The following CARMIL1 variants were observed in gnomAD, a reference collection of about 807,000 sequenced individuals.
CARMIL1 encodes F-actin-uncapping protein LRRC16A.
A neutral mutation model predicts 177.1 loss-of-function variants in CARMIL1; 90 were observed. The observed-to-expected ratio is 0.51, with a 90% CI of 0.43 to 0.61. CARMIL1 has a LOEUF of 0.61. Among genes scored for constraint, CARMIL1 ranks in the 20% least tolerant of loss-of-function variants. The pLI, the probability that CARMIL1 is intolerant of heterozygous loss-of-function variation, is 0.00. For missense variants in CARMIL1, 1,380 were observed against 1,667.0 expected (o/e 0.83, Z 3.00); for synonymous variants, 577 against 606.2 (o/e 0.95, Z 0.71).
rs1813062732 is a variant in CARMIL1 at position 25,580,937 on chromosome 6, C to G, written c.2756C>G (p.Ser919Cys). The change falls in exon 30 of 37, where the codon TCC becomes TGC. Residue 919 changes from serine (S) to cysteine (C), a missense_variant. Coordinates refer to ENST00000329474, the MANE Select transcript of CARMIL1 (RefSeq NM_017640.6). ...DLDTCMMTPK[S>C]KRKSIHSRML... ...TTTCATTTCTAGATGACCCCTAAAT[C>G]CAAAAGGAAGAGTATCCATAGCCGA... is the stretch of plus-strand genomic sequence containing the variant. The G allele has an allele frequency of 6.3e-7, 1 of 1,597,302 alleles. No individual in the cohort carries two copies. The highest frequency in any genetic ancestry group is 1.7e-5 in the Admixed American group (1 of 57,770).
chr6:25,420,796 T>TC (rs1276869167), intron 3 of CARMIL1, among the ~76,000 whole-genome samples: 14 of 152,254 alleles, frequency 9.2e-5, no homozygotes, highest in Non-Finnish European at 1.9e-4. Context: ...CGTTTGTGGA[T>TC]TAATCATAAT....
chr6:25,423,928 G>A (rs1166152657), intron 3 of CARMIL1, among the ~76,000 whole-genome samples: 1 of 152,142 alleles, frequency 6.6e-6, no homozygotes, highest in Non-Finnish European at 1.5e-5. Flanking sequence ...CTAATCCAGT[G>A]ACATTCTTTA....
intron 11 of CARMIL1, among the ~76,000 whole-genome samples, chr6:25,479,530 A>G (rs755970332): frequency 5.3e-5 from 8 of 152,106 alleles, no homozygotes; most frequent in Non-Finnish European, 1.0e-4. Flanking sequence ...GATTTTGATA[A>G]TTTGATCTCT....
At chr6:25,401,901 A>G (rs1484298480) in intron 2 of CARMIL1, among the ~76,000 whole-genome samples, 1 of 152,176 alleles carries the variant, frequency 6.6e-6, no homozygotes, top group East Asian at 1.9e-4. Flanking sequence ...CCGGAAGGAC[A>G]GACAATGCCA....
intron 2 of CARMIL1, among the ~76,000 whole-genome samples, chr6:25,362,141 G>A (rs1172499437): frequency 6.6e-6 from 1 of 152,150 alleles, no homozygotes; most frequent in Non-Finnish European, 1.5e-5. Flanking sequence ...CTTGTAAGCA[G>A]CTCCCCCTCA....
chr6:25,618,995 A>G (rs917314265), intron 36 of CARMIL1, among the ~76,000 whole-genome samples: 2 of 152,218 alleles, frequency 1.3e-5, no homozygotes, highest in African/African-American at 4.8e-5. Context: ...TCATCTGCAG[A>G]AGGCATCGAA....
At chr6:25,293,198 C>G (rs1021647952) in intron 2 of CARMIL1, among the ~76,000 whole-genome samples, 1 of 150,000 alleles carries the variant, frequency 6.7e-6, no homozygotes, top group Admixed American at 6.7e-5. Context: ...ATTTTTTTCC[C>G]TCTTGATAGA....
intron 28 of CARMIL1, among the ~76,000 whole-genome samples, chr6:25,555,004 G>A (rs1810474284): frequency 6.6e-6 from 1 of 152,196 alleles, no homozygotes; most frequent in Non-Finnish European, 1.5e-5. Flanking sequence ...TGAAAGACAA[G>A]ACAGATATCT....
chr6:25,324,208 A>G (rs1472898856), intron 2 of CARMIL1, among the ~76,000 whole-genome samples: 29 of 152,242 alleles, frequency 1.9e-4, no homozygotes, highest in Admixed American at 1.9e-3. Flanking sequence ...CTAGGCGTGG[A>G]GAGGAGACTT....
intron 2 of CARMIL1, among the ~76,000 whole-genome samples, chr6:25,373,538 C>T (rs1275005866): frequency 6.7e-6 from 1 of 149,828 alleles, no homozygotes; most frequent in Non-Finnish European, 1.5e-5. Flanking sequence ...CTTGAATGAT[C>T]TTTTGTATTT....
At chr6:25,617,520 TGTA>T in intron 36 of CARMIL1, among the ~76,000 whole-genome samples, 1 of 152,296 alleles carries the variant, frequency 6.6e-6, no homozygotes, top group East Asian at 1.9e-4. Flanking sequence ...CCCTTGAACT[TGTA>T]GTGTATTTTT....
intron 29 of CARMIL1, among the ~76,000 whole-genome samples, chr6:25,579,703 G>A (rs765591222): frequency 9.2e-5 from 14 of 151,740 alleles, no homozygotes; most frequent in Middle Eastern, 6.8e-3. Flanking sequence ...GTTTCATTTT[G>A]TATTTTAGGA....
At chr6:25,529,013 C>A in intron 24 of CARMIL1, 120 bp downstream of exon 24, 1 of 729,806 alleles carries the variant, frequency 1.4e-6, no homozygotes. Context: ...TTGAAAATGA[C>A]AACAAATCTA....
intron 2 of CARMIL1, 96 bp downstream of exon 2, chr6:25,285,005 T>G: frequency 1.4e-6 from 1 of 734,430 alleles, no homozygotes; most frequent in South Asian, 1.9e-5. Context: ...TACTTCTGTG[T>G]TTTATATATT....
chr6:25,342,999 C>A (rs1023364947), intron 2 of CARMIL1, among the ~76,000 whole-genome samples: 2 of 152,214 alleles, frequency 1.3e-5, no homozygotes, highest in Non-Finnish European at 2.9e-5. Flanking sequence ...CGGCTTCCTT[C>A]TAAGAATCCT....
intron 36 of CARMIL1, chr6:25,612,605 A>G (rs1816591535): frequency 4.0e-6 from 1 of 247,564 alleles, no homozygotes; most frequent in South Asian, 1.5e-4. Flanking sequence ...CAGGACCAAC[A>G]CTGTAGGTTC....
intron 2 of CARMIL1, among the ~76,000 whole-genome samples, chr6:25,346,316 A>G (rs1196508932): frequency 2.7e-5 from 4 of 147,776 alleles, no homozygotes; most frequent in Non-Finnish European, 5.9e-5. Flanking sequence ...GCCTGAGTCT[A>G]CCTCAGAGCT....
intron 31 of CARMIL1, among the ~76,000 whole-genome samples, chr6:25,584,892 A>G (rs924374099): frequency 6.6e-6 from 1 of 152,138 alleles, no homozygotes; most frequent in South Asian, 2.1e-4. Context: ...GCATGTCCCA[A>G]CCTCATCAAT....
intron 2 of CARMIL1, among the ~76,000 whole-genome samples, chr6:25,351,304 A>G (rs959413119): frequency 2.0e-5 from 3 of 152,236 alleles, no homozygotes; most frequent in African/African-American, 7.2e-5. Context: ...ATGAGGTTAA[A>G]TAAAATATTA....
Sources: allele counts gnomAD v4.1 joint callset (sites outside exome capture counted in the v4.1 genomes callset), GRCh38; gene constraint gnomAD v4.1.1; transcripts MANE v1.5; gene names NCBI Gene and HGNC (gene_info 2026-07-23, HGNC 2026-07-21).